The following SNX29 variants were observed in gnomAD, a reference collection of about 807,000 sequenced individuals.
SNX29 encodes the protein sorting nexin-29.
In SNX29, 78 loss-of-function variants were observed where a neutral mutation model predicts 102.1. The observed-to-expected ratio is 0.76, with a 90% CI of 0.64 to 0.92. The LOEUF (loss-of-function observed/expected upper bound fraction) is 0.92. SNX29 is among the 40% of genes least tolerant of loss of function. SNX29 has a pLI of 0.00. For synonymous variants in SNX29, 580 were observed against 414.5 expected, an observed-to-expected ratio of 1.40 and a Z score of -4.85; for missense variants, 1,280 against 1,061.7, an observed-to-expected ratio of 1.21 and a Z score of -2.86.
intron 15 of SNX29, among the ~76,000 whole-genome samples, chr16:12,348,070 C>T (rs1433593245): frequency 6.6e-6 from 1 of 151,454 alleles, no homozygotes; most frequent in Non-Finnish European, 1.5e-5. Flanking sequence ...AGAATAAGAC[C>T]TTGTCTCTGG....
intron 14 of SNX29, among the ~76,000 whole-genome samples, chr16:12,241,784 C>T (rs530443728): frequency 6.6e-6 from 1 of 152,172 alleles, no homozygotes; most frequent in Non-Finnish European, 1.5e-5. Flanking sequence ...CTTTGTTTCC[C>T]CATCTCTTTC....
At chr16:12,425,054 A>G (rs1346206749) in intron 18 of SNX29, among the ~76,000 whole-genome samples, 2 of 152,264 alleles carry the variant, frequency 1.3e-5, no homozygotes, top group Non-Finnish European at 2.9e-5. Context: ...CTCATAAACA[A>G]TGTTGAGTGA....
intron 15 of SNX29, among the ~76,000 whole-genome samples, chr16:12,354,613 T>C (rs7201621): frequency 0.5 from 75,584 of 151,982 alleles, 19,376 homozygotes; most frequent in Non-Finnish European, 0.57. Context: ...TTGGCAGGTA[T>C]TTAGCAGTAA....
chr16:12,158,226 G>T (rs912906978), intron 13 of SNX29, among the ~76,000 whole-genome samples: 1 of 151,478 alleles, frequency 6.6e-6, no homozygotes, highest in Non-Finnish European at 1.5e-5. Context: ...TTGAGAGAGG[G>T]TCTCGCTCTG....
chr16:12,052,112 G>A lies in SNX29; in HGVS notation c.1014G>A (p.Gln338=). ...SLSLNGEFGY[Q]KLDVKSIDDE... ...CTTTGAACGGGGAGTTTGGGTACCA[G>A]AAGCTTGATGTGAAAAGCATCGATG... The change falls in exon 8 of 21, where the codon CAG becomes CAA. Residue 338 remains glutamine, a synonymous_variant. Transcript: ENST00000566228. The A allele has an allele frequency of 3.7e-6, 6 of 1,613,968 alleles. No homozygotes were observed. Among genetic ancestry groups the A allele is most frequent in the Non-Finnish European group, 5.1e-6 (6 of 1,179,870 alleles).
intron 3 of SNX29, among the ~76,000 whole-genome samples, chr16:12,023,849 C>G (rs559921243): frequency 2.4e-4 from 36 of 152,296 alleles, no homozygotes; most frequent in South Asian, 4.1e-4. Flanking sequence ...TTTAACTCAC[C>G]TGGATTCAAA....
intron 15 of SNX29, among the ~76,000 whole-genome samples, chr16:12,336,897 G>C (rs773813514): frequency 1.3e-5 from 2 of 152,206 alleles, no homozygotes; most frequent in Non-Finnish European, 2.9e-5. Flanking sequence ...AGTGAGCTAT[G>C]ATGGTGCCAC....
At chr16:12,547,756 G>A (rs766597320) in intron 20 of SNX29, among the ~76,000 whole-genome samples, 9 of 152,172 alleles carry the variant, frequency 5.9e-5, no homozygotes, top group Non-Finnish European at 1.3e-4. Flanking sequence ...CTCCTGTGAA[G>A]CTGCAGCTGC....
chr16:12,399,146 G>T (rs1014449383), intron 17 of SNX29, among the ~76,000 whole-genome samples: 35 of 152,186 alleles, frequency 2.3e-4, no homozygotes, highest in Admixed American at 5.9e-4. Context: ...CGCCTACCGG[G>T]TTTAAGTGAT....
chr16:12,415,489 A>T (rs2084592718), intron 18 of SNX29, among the ~76,000 whole-genome samples: 1 of 152,224 alleles, frequency 6.6e-6, no homozygotes, highest in Non-Finnish European at 1.5e-5. Context: ...GCCTGGACAG[A>T]GTATAAACTT....
At chr16:12,248,873 T>C (rs772630931) in intron 14 of SNX29, among the ~76,000 whole-genome samples, 1 of 152,006 alleles carries the variant, frequency 6.6e-6, no homozygotes, top group Non-Finnish European at 1.5e-5. Context: ...CTAAGCTCCT[T>C]AAGAGTAAGG....
chr16:12,539,998 T>G lies in SNX29; in HGVS notation c.2318+15157T>G, dbSNP rs9927919. 4.3e-3 allele frequency among the ~76,000 whole-genome samples: 654 copies of G among 152,166 alleles called. 5 individuals carry two copies. The highest frequency in any genetic ancestry group is 0.015 in the African/African-American group (632 of 41,570). On this transcript the variant is annotated intron_variant, in intron 20 of 20. Transcript: ENST00000566228. Reference sequence around the variant, plus strand: ...TTTTCTTCTAGTCTTCAGCTTCTTTTCAGTGTCTTTTGCATGACACCTTTT... The same window carrying G: ...TTTTCTTCTAGTCTTCAGCTTCTTTGCAGTGTCTTTTGCATGACACCTTTT...
rs149357161 is a variant in SNX29, at chr16:12,391,612, T to C, written c.1900-6834T>C. On this transcript the variant is annotated intron_variant, in intron 16 of 20. Transcript: ENST00000566228. The stretch of plus-strand genomic sequence containing the variant: ...TATCATCTGTTTTTTTATCCATCCA[T>C]CTATGCGTGCATCCATCCATCCATT... Among the ~76,000 whole-genome samples the C allele has an allele frequency of 1.2e-3, 184 of 152,156 alleles. 1 individual carries two copies. The highest frequency in any genetic ancestry group is 3.9e-3 in the African/African-American group (164 of 41,532).
intron 3 of SNX29, among the ~76,000 whole-genome samples, chr16:12,012,089 T>G (rs558834027): frequency 6.6e-6 from 1 of 152,276 alleles, no homozygotes; most frequent in African/African-American, 2.4e-5. Flanking sequence ...CGATGCAAAT[T>G]GGATGAGATG....
intron 20 of SNX29, among the ~76,000 whole-genome samples, chr16:12,560,094 C>G (rs949737784): frequency 4.6e-5 from 7 of 151,962 alleles, no homozygotes; most frequent in East Asian, 1.9e-4. Flanking sequence ...TGGTTATCCA[C>G]AAAGGATGAG....
chr16:12,140,584 C>A (rs2054835181), intron 13 of SNX29, among the ~76,000 whole-genome samples: 1 of 152,162 alleles, frequency 6.6e-6, no homozygotes. Flanking sequence ...GTTGCTTCCA[C>A]AGAGGGCTTG....
intron 18 of SNX29, among the ~76,000 whole-genome samples, chr16:12,405,370 A>G (rs2084117641): frequency 6.6e-6 from 1 of 152,090 alleles, no homozygotes; most frequent in Admixed American, 6.6e-5. Flanking sequence ...CACAGTGGCC[A>G]CTGTGGCAGT....
chr16:12,395,744 T>C (rs2083697277), intron 16 of SNX29, among the ~76,000 whole-genome samples: 1 of 152,210 alleles, frequency 6.6e-6, no homozygotes, highest in Non-Finnish European at 1.5e-5. Context: ...CCAGTGTCAG[T>C]AGAAAGTTGA....
At chr16:12,499,206 G>T (rs2088985165) in intron 19 of SNX29, among the ~76,000 whole-genome samples, 1 of 152,194 alleles carries the variant, frequency 6.6e-6, no homozygotes, top group Non-Finnish European at 1.5e-5. Context: ...GCTCTCTGGG[G>T]CATTTCCCTC....
Sources: allele counts gnomAD v4.1 joint callset (sites outside exome capture counted in the v4.1 genomes callset), GRCh38; gene constraint gnomAD v4.1.1; transcripts MANE v1.5; gene names NCBI Gene and HGNC (gene_info 2026-07-23, HGNC 2026-07-21).